CADM2: variants seen among roughly 807,000 people sequenced by gnomAD.
The protein encoded by CADM2 is cell adhesion molecule 2.
A neutral mutation model predicts 49.8 loss-of-function variants in CADM2; 12 were observed. The observed-to-expected ratio is 0.24, with a 90% CI of 0.15 to 0.39. The LOEUF (loss-of-function observed/expected upper bound fraction) is 0.39. Ranked by LOEUF, CADM2 falls within the 10% of genes least tolerant of loss-of-function variation. The pLI, the probability that CADM2 is intolerant of heterozygous loss-of-function variation, is 1.00. For missense variants in CADM2, 378 were observed against 492.3 expected, an observed-to-expected ratio of 0.77 and a Z score of 2.20; for synonymous variants, 214 against 175.4, an observed-to-expected ratio of 1.22 and a Z score of -1.74.
At chr3:85,719,695 G>A (rs1387608653) in intron 1 of CADM2, among the ~76,000 whole-genome samples, 2 of 151,406 alleles carry the variant, frequency 1.3e-5, no homozygotes, top group South Asian at 2.1e-4. Context: ...CTCAGGGATG[G>A]CAGAGGCAGG....
intron 3 of CADM2, among the ~76,000 whole-genome samples, chr3:85,856,109 T>C (rs2075308667): frequency 6.6e-6 from 1 of 152,168 alleles, no homozygotes; most frequent in South Asian, 2.1e-4. Flanking sequence ...AGTTTAGTGG[T>C]TATTGGCAGT....
intron 1 of CADM2, among the ~76,000 whole-genome samples, chr3:85,303,475 T>C (rs146082065): frequency 1.5e-4 from 23 of 151,992 alleles, no homozygotes; most frequent in East Asian, 7.8e-4. Flanking sequence ...TTCAGCTGAA[T>C]TGATGAAATT....
At chr3:85,331,078 CAG>C (rs1178683954) in intron 1 of CADM2, among the ~76,000 whole-genome samples, 1 of 151,978 alleles carries the variant, frequency 6.6e-6, no homozygotes, top group Non-Finnish European at 1.5e-5. Context: ...ATGATCAAAT[CAG>C]GGTAATTTAG....
intron 1 of CADM2, among the ~76,000 whole-genome samples, chr3:85,293,148 T>C (rs865997788): frequency 6.6e-5 from 10 of 152,154 alleles, no homozygotes; most frequent in Non-Finnish European, 8.8e-5. Flanking sequence ...CATCAGAGAA[T>C]ACTACAAACA....
chr3:85,903,769 A>G (rs1716442360), intron 5 of CADM2, among the ~76,000 whole-genome samples: 1 of 152,166 alleles, frequency 6.6e-6, no homozygotes, highest in Non-Finnish European at 1.5e-5. Flanking sequence ...CTCTCTGCTT[A>G]CGTTAGTATC....
intron 1 of CADM2, among the ~76,000 whole-genome samples, chr3:85,487,064 T>A (rs1306170984): frequency 1.3e-5 from 2 of 152,192 alleles, no homozygotes; most frequent in African/African-American, 4.8e-5. Flanking sequence ...ATGTCAAACA[T>A]CTTTCTCCTC....
intron 2 of CADM2, among the ~76,000 whole-genome samples, chr3:85,755,879 A>G (rs1258996944): frequency 6.6e-6 from 1 of 152,176 alleles, no homozygotes; most frequent in Non-Finnish European, 1.5e-5. Flanking sequence ...GAACCATATC[A>G]GATATGACTG....
intron 5 of CADM2, among the ~76,000 whole-genome samples, chr3:85,900,828 A>T (rs1716015669): frequency 6.6e-6 from 1 of 152,172 alleles, no homozygotes; most frequent in Non-Finnish European, 1.5e-5. Context: ...GCTTCTTCAT[A>T]TGTGAGGAAA....
At chr3:85,854,450 TA>T (rs1274904542) in intron 3 of CADM2, among the ~76,000 whole-genome samples, 3 of 152,170 alleles carry the variant, frequency 2.0e-5, no homozygotes, top group South Asian at 2.1e-4. Context: ...TATGCAGCCA[TA>T]AAAAAGGATG....
chr3:85,628,586 T>TATATACATATATATAC (rs2064199993), intron 1 of CADM2, among the ~76,000 whole-genome samples: 1 of 138,756 alleles, frequency 7.2e-6, no homozygotes, highest in African/African-American at 2.7e-5. Flanking sequence ...CACACACATA[T>TATATACATATATATAC]ATATACATAT....
intron 7 of CADM2, among the ~76,000 whole-genome samples, chr3:85,944,400 T>A (rs1282369083): frequency 6.6e-6 from 1 of 151,918 alleles, no homozygotes; most frequent in Non-Finnish European, 1.5e-5. Context: ...AGGAATTGAA[T>A]TCAGCTCTGC....
chr3:85,156,989 A>T (rs1165659558), intron 1 of CADM2, among the ~76,000 whole-genome samples: 2 of 152,168 alleles, frequency 1.3e-5, no homozygotes, highest in South Asian at 2.1e-4. Flanking sequence ...ACTTCAGCAA[A>T]GTCTCAGGAT....
intron 1 of CADM2, among the ~76,000 whole-genome samples, chr3:85,570,818 T>G (rs1559917970): frequency 6.6e-6 from 1 of 152,206 alleles, no homozygotes; most frequent in African/African-American, 2.4e-5. Context: ...CTTGGTAATT[T>G]ATCTTCTACA....
intron 1 of CADM2, among the ~76,000 whole-genome samples, chr3:85,490,138 T>C (rs1342803796): frequency 1.3e-5 from 2 of 152,102 alleles, no homozygotes; most frequent in Non-Finnish European, 2.9e-5. Context: ...CTTCTACTTG[T>C]ATTTTCTTAT....
intron 1 of CADM2, among the ~76,000 whole-genome samples, chr3:84,995,110 T>C (rs1326296510): frequency 2.6e-5 from 4 of 152,316 alleles, no homozygotes; most frequent in Non-Finnish European, 4.4e-5. Flanking sequence ...TTATAAAATC[T>C]TTCTAAATGA....
At chr3:85,730,877 A>T (rs901080347) in intron 2 of CADM2, among the ~76,000 whole-genome samples, 5 of 152,132 alleles carry the variant, frequency 3.3e-5, no homozygotes, top group Non-Finnish European at 5.9e-5. Context: ...CAGCTTTTAG[A>T]TATTATTTTC....
intron 9 of CADM2, among the ~76,000 whole-genome samples, chr3:86,066,332 C>CAAAAAAAGAAAAAAAA (rs1739316624): frequency 3.3e-5 from 1 of 30,360 alleles, no homozygotes; most frequent in African/African-American, 2.1e-4. Context: ...GACTCCGTCT[C>CAAAAAAAGAAAAAAAA]AAAAAAAAAA....
intron 1 of CADM2, among the ~76,000 whole-genome samples, chr3:85,468,875 G>A (rs2038640719): frequency 6.6e-6 from 1 of 152,172 alleles, no homozygotes; most frequent in Non-Finnish European, 1.5e-5. Flanking sequence ...GGCAGCCCCT[G>A]GGAGAATGTA....
intron 1 of CADM2, among the ~76,000 whole-genome samples, chr3:85,442,226 T>C (rs1210884207): frequency 2.6e-5 from 4 of 152,208 alleles, no homozygotes; most frequent in Admixed American, 2.0e-4. Context: ...AATAGTGATG[T>C]TCTTTCCTTG....
Sources: gnomAD v4.1 joint callset for allele counts (sites outside exome capture counted in the v4.1 genomes callset) on GRCh38, gnomAD v4.1.1 for gene constraint, MANE v1.5 for transcripts, NCBI Gene and HGNC (gene_info 2026-07-23, HGNC 2026-07-21) for gene names.